The following KIAA1217 variants were observed in gnomAD, a reference collection of about 807,000 sequenced individuals.
KIAA1217 encodes the protein KIAA1217.
KIAA1217 carries 88 observed loss-of-function variants against 163.9 expected under a neutral mutation model. The ratio of observed to expected loss-of-function variants is 0.54; its 90% confidence interval spans 0.45 to 0.64. KIAA1217 has a LOEUF of 0.64. KIAA1217 is among the 30% of genes least tolerant of loss of function. KIAA1217 has a pLI of 0.00. For missense variants in KIAA1217, 2,372 were observed against 2,475.0 expected (o/e 0.96, Z 0.88); for synonymous variants, 903 against 923.1 (o/e 0.98, Z 0.39).
At chr10:24,227,722 C>T (rs1390758844) in intron 2 of KIAA1217, among the ~76,000 whole-genome samples, 4 of 151,652 alleles carry the variant, frequency 2.6e-5, no homozygotes, top group African/African-American at 4.8e-5. Context: ...TTAGTAGAGA[C>T]GGGGTTTCAC....
chr10:23,956,147 C>T (rs1191573390), intron 1 of KIAA1217, among the ~76,000 whole-genome samples: 1 of 152,172 alleles, frequency 6.6e-6, no homozygotes, highest in South Asian at 2.1e-4. Flanking sequence ...AAGGGAGCTG[C>T]AACTTAGGAA....
intron 9 of KIAA1217, among the ~76,000 whole-genome samples, chr10:24,504,987 G>A: frequency 6.6e-6 from 1 of 152,114 alleles, no homozygotes; most frequent in East Asian, 1.9e-4. Flanking sequence ...CTACTCATTA[G>A]AATTATTTGA....
At chr10:24,024,076 AT>A (rs1319567513) in intron 2 of KIAA1217, among the ~76,000 whole-genome samples, 20 of 151,692 alleles carry the variant, frequency 1.3e-4, no homozygotes, top group African/African-American at 4.6e-4. Flanking sequence ...ATCAACCTCA[AT>A]TTATTGTTTT....
At chr10:24,196,110 G>C (rs1417822453) in intron 2 of KIAA1217, among the ~76,000 whole-genome samples, 2 of 148,750 alleles carry the variant, frequency 1.3e-5, no homozygotes, top group African/African-American at 5.0e-5. Flanking sequence ...CTCCAGCTGG[G>C]GTGACAGAGT....
chr10:23,871,554 C>A (rs1157969160), intron 1 of KIAA1217, among the ~76,000 whole-genome samples: 1 of 152,030 alleles, frequency 6.6e-6, no homozygotes, highest in Non-Finnish European at 1.5e-5. Context: ...TCAGCACAGT[C>A]CAGCTCCCCT....
chr10:24,248,622 G>A (rs2074109830), intron 2 of KIAA1217, among the ~76,000 whole-genome samples: 1 of 118,328 alleles, frequency 8.5e-6, no homozygotes, highest in South Asian at 2.9e-4. Flanking sequence ...AGTGAGCCGA[G>A]ATCACTCCAC....
At chr10:23,889,521 C>T (rs760570101) in intron 1 of KIAA1217, among the ~76,000 whole-genome samples, 2 of 151,772 alleles carry the variant, frequency 1.3e-5, no homozygotes, top group Non-Finnish European at 2.9e-5. Flanking sequence ...GTTCTTTAAC[C>T]ATTCTAGATG....
intron 2 of KIAA1217, among the ~76,000 whole-genome samples, chr10:24,232,095 G>A (rs1019138887): frequency 3.3e-5 from 5 of 152,220 alleles, no homozygotes; most frequent in African/African-American, 4.8e-5. Flanking sequence ...GCACGTGGCC[G>A]AGGACTGACA....
intron 1 of KIAA1217, among the ~76,000 whole-genome samples, chr10:23,968,144 A>ATG (rs371441989): frequency 2.6e-4 from 38 of 148,874 alleles, no homozygotes; most frequent in Admixed American, 1.2e-3. Context: ...AAGTATGCAT[A>ATG]TGTGTGTGTG....
intron 2 of KIAA1217, among the ~76,000 whole-genome samples, chr10:24,174,849 G>GTGTTGT (rs557041494): frequency 2.6e-5 from 4 of 151,850 alleles, no homozygotes; most frequent in African/African-American, 9.7e-5. Context: ...CCAACATGTA[G>GTGTTGT]TGTTGTTGTT....
At chr10:24,444,309 G>A (rs1445676429) in intron 5 of KIAA1217, among the ~76,000 whole-genome samples, 1 of 152,136 alleles carries the variant, frequency 6.6e-6, no homozygotes, top group East Asian at 1.9e-4. Context: ...ACCATGCCCA[G>A]CCCATAATAA....
intron 10 of KIAA1217, among the ~76,000 whole-genome samples, chr10:24,517,188 A>T (rs2070326329): frequency 1.4e-5 from 2 of 147,660 alleles, no homozygotes; most frequent in Non-Finnish European, 3.0e-5. Context: ...AAAAAAAAAA[A>T]CTAAAAATAT....
At chr10:23,805,996 C>CAAAAAAAAAAAAAAA (rs71397917) in intron 1 of KIAA1217, among the ~76,000 whole-genome samples, 390 of 30,310 alleles carry the variant, frequency 0.013, no homozygotes, top group East Asian at 0.022. Context: ...AACTCCATCT[C>CAAAAAAAAAAAAAAA]AAAAAAAAAA....
intron 5 of KIAA1217, among the ~76,000 whole-genome samples, chr10:24,451,202 AT>A (rs1415317562): frequency 6.6e-6 from 1 of 152,184 alleles, no homozygotes; most frequent in East Asian, 1.9e-4. Context: ...TCATAAAAAA[AT>A]GTTTCCATAG....
At chr10:24,202,872 T>A (rs1286944104) in intron 2 of KIAA1217, among the ~76,000 whole-genome samples, 1 of 151,998 alleles carries the variant, frequency 6.6e-6, no homozygotes, top group Non-Finnish European at 1.5e-5. Context: ...AATTCTATAG[T>A]TGAAAGAAGA....
chr10:24,515,385 T>A (rs7917849), intron 10 of KIAA1217, among the ~76,000 whole-genome samples: 43,954 of 151,954 alleles, frequency 0.29, 6,571 homozygotes, highest in Middle Eastern at 0.39. Flanking sequence ...TTCTTCTTTT[T>A]AAAAATTGTG....
chr10:23,971,489 A>T (rs962557219), intron 1 of KIAA1217, among the ~76,000 whole-genome samples: 1 of 152,130 alleles, frequency 6.6e-6, no homozygotes, highest in Non-Finnish European at 1.5e-5. Context: ...TGCCCTGTTC[A>T]TGTCTGCCTC....
intron 1 of KIAA1217, among the ~76,000 whole-genome samples, chr10:23,760,833 T>A (rs1385247289): frequency 6.6e-6 from 1 of 152,186 alleles, no homozygotes; most frequent in East Asian, 1.9e-4. Flanking sequence ...TATGTTGAGA[T>A]GGTTTACCAG....
At chr10:24,040,738 G>A (rs1848595127) in intron 2 of KIAA1217, among the ~76,000 whole-genome samples, 1 of 152,204 alleles carries the variant, frequency 6.6e-6, no homozygotes, top group African/African-American at 2.4e-5. Flanking sequence ...TCTGTGGTCT[G>A]AGTGAAGAAT....
Sources: allele counts gnomAD v4.1 joint callset (sites outside exome capture counted in the v4.1 genomes callset), GRCh38; gene constraint gnomAD v4.1.1; transcripts MANE v1.5; gene names NCBI Gene and HGNC (gene_info 2026-07-23, HGNC 2026-07-21).